The following HIBADH variants were observed in gnomAD, a reference collection of about 807,000 sequenced individuals.
The protein encoded by HIBADH is 3-hydroxyisobutyrate dehydrogenase, also known as 3-hydroxyisobutyrate dehydrogenase, mitochondrial.
HIBADH carries 25 observed loss-of-function variants against 36.1 expected under a neutral mutation model. The observed-to-expected ratio is 0.69, with a 90% CI of 0.50 to 0.97. The LOEUF (loss-of-function observed/expected upper bound fraction) is 0.97, where lower values mean the gene tolerates loss of function less well. Among genes scored for constraint, HIBADH ranks in the 50% least tolerant of loss-of-function variants. The pLI is 0.00. For synonymous variants in HIBADH, 160 were observed against 149.5 expected (o/e 1.07, Z -0.51); for missense variants, 421 against 418.0 (o/e 1.01, Z -0.06).
At chr7:27,564,989 C>G (rs1050478160) in intron 4 of HIBADH, among the ~76,000 whole-genome samples, 3 of 152,162 alleles carry the variant, frequency 2.0e-5, no homozygotes, top group Admixed American at 6.5e-5. Context: ...GAGACTACCC[C>G]TCCCAGGGCT....
At chr7:27,614,652 A>C (rs576373554) in intron 4 of HIBADH, among the ~76,000 whole-genome samples, 1 of 152,308 alleles carries the variant, frequency 6.6e-6, no homozygotes, top group African/African-American at 2.4e-5. Context: ...GCTATATAAA[A>C]ATCCTCTCAT....
In HIBADH at chr7:27,568,897, T is replaced by C. The variant is rs1008527684; in HGVS notation, c.485-25797A>G. ...GTCTTTCACTAAACTTGGGAAGCTT[T>C]CAGCCACCTTTTTTTTTTTCCAAAT... is the stretch of plus-strand genomic sequence containing the variant. On this transcript the variant is annotated intron_variant, in intron 4 of 7. Transcript: ENST00000265395. Among the ~76,000 whole-genome samples the C allele has an allele frequency of 6.2e-5, 9 of 145,654 alleles. 1 individual carries two copies. Among genetic ancestry groups the C allele is most frequent in the African/African-American group, 2.3e-4 (9 of 39,094 alleles).
At chr7:27,561,494 A>G (rs1055537778) in intron 4 of HIBADH, among the ~76,000 whole-genome samples, 1 of 152,172 alleles carries the variant, frequency 6.6e-6, no homozygotes, top group Non-Finnish European at 1.5e-5. Flanking sequence ...AATGCAGTCT[A>G]TAAGATACAG....
chr7:27,637,438 C>G (rs1583612635), intron 2 of HIBADH, among the ~76,000 whole-genome samples: 1 of 152,240 alleles, frequency 6.6e-6, no homozygotes, highest in South Asian at 2.1e-4. Context: ...CTGTTTCCAA[C>G]AGAAACACGA....
intron 4 of HIBADH, among the ~76,000 whole-genome samples, chr7:27,604,758 T>C (rs1785190515): frequency 6.6e-6 from 1 of 152,126 alleles, no homozygotes. Context: ...GAAGGGTGCA[T>C]ATATTTAGTT....
intron 4 of HIBADH, among the ~76,000 whole-genome samples, chr7:27,584,010 T>G (rs368060398): frequency 1.3e-5 from 2 of 152,168 alleles, no homozygotes; most frequent in African/African-American, 2.4e-5. Context: ...TCATAGTAGA[T>G]TAAATGCAGA....
chr7:27,594,957 T>A (rs138914300), intron 4 of HIBADH, among the ~76,000 whole-genome samples: 1 of 152,212 alleles, frequency 6.6e-6, no homozygotes, highest in Admixed American at 6.5e-5. Context: ...ATAAAAAATT[T>A]AAGTTTTTAA....
chr7:27,651,947 G>A (rs1386588447), intron 1 of HIBADH, among the ~76,000 whole-genome samples: 1 of 152,136 alleles, frequency 6.6e-6, no homozygotes, highest in Non-Finnish European at 1.5e-5. Flanking sequence ...CAAATGGATA[G>A]GAGGGTAAGG....
chr7:27,632,739 A>G (rs1467306279), intron 2 of HIBADH, among the ~76,000 whole-genome samples: 1 of 152,178 alleles, frequency 6.6e-6, no homozygotes, highest in African/African-American at 2.4e-5. Flanking sequence ...GAACAGACAC[A>G]CTTCTCATGG....
rs73686435 is a variant in HIBADH, at chr7:27,552,048, A to G, written c.485-8948T>C. ...CAGCTGGGACAGAAAGCTGCTACTC[A>G]ACGAACAATATAATCCCGTGAAAGT... is the stretch of plus-strand genomic sequence containing the variant. On this transcript the variant is annotated intron_variant, in intron 4 of 7. Coordinates refer to ENST00000265395, the MANE Select transcript of HIBADH (RefSeq NM_152740.4). Among the ~76,000 whole-genome samples, 884 of 152,350 alleles carry G rather than the reference A, an allele frequency of 5.8e-3. 10 individuals are homozygous for G. Among genetic ancestry groups the G allele is most frequent in the African/African-American group, 0.02 (834 of 41,590 alleles).
intron 4 of HIBADH, among the ~76,000 whole-genome samples, chr7:27,563,224 T>G (rs1784493117): frequency 6.6e-6 from 1 of 152,248 alleles, no homozygotes; most frequent in South Asian, 2.1e-4. Context: ...CCTGTTATTG[T>G]GGGTATCAGC....
chr7:27,568,751 G>A (rs566434280), intron 4 of HIBADH, among the ~76,000 whole-genome samples: 8 of 152,226 alleles, frequency 5.3e-5, no homozygotes, highest in Admixed American at 3.3e-4. Context: ...GATTACAGGC[G>A]TGAGCCAGCA....
chr7:27,556,185 A>G (rs1784386171), intron 4 of HIBADH, among the ~76,000 whole-genome samples: 1 of 152,208 alleles, frequency 6.6e-6, no homozygotes, highest in Non-Finnish European at 1.5e-5. Context: ...TACATAAGCA[A>G]TGCTTGATAC....
At chr7:27,638,323 A>AAAAC (rs1562654430) in intron 2 of HIBADH, among the ~76,000 whole-genome samples, 2 of 148,690 alleles carry the variant, frequency 1.3e-5, no homozygotes, top group Non-Finnish European at 3.0e-5. Context: ...AAAAAAAAAA[A>AAAAC]AAAAAAACAA....
intron 4 of HIBADH, among the ~76,000 whole-genome samples, chr7:27,585,557 C>T (rs899756914): frequency 9.2e-5 from 14 of 152,006 alleles, no homozygotes; most frequent in African/African-American, 3.1e-4. Context: ...TTCATCTCAT[C>T]AAAATGAAGA....
chr7:27,648,209 G>A (rs1001148547), intron 2 of HIBADH, among the ~76,000 whole-genome samples: 23 of 152,148 alleles, frequency 1.5e-4, no homozygotes, highest in African/African-American at 5.1e-4. Flanking sequence ...TCTACTATAC[G>A]ACTGATCAAA....
intron 2 of HIBADH, among the ~76,000 whole-genome samples, chr7:27,633,014 C>T (rs77925297): frequency 6.6e-6 from 1 of 151,962 alleles, no homozygotes; most frequent in East Asian, 1.9e-4. Context: ...AGGACATAAA[C>T]ACTTACTACA....
chr7:27,612,885 T>G (rs1468100015), intron 4 of HIBADH, among the ~76,000 whole-genome samples: 1 of 146,314 alleles, frequency 6.8e-6, no homozygotes, highest in Non-Finnish European at 1.5e-5. Flanking sequence ...AGTTCAAGGA[T>G]GCAGTAAGCT....
rs140815249 is a variant in HIBADH, at chr7:27,582,480, G to C, written c.485-39380C>G. Among the ~76,000 whole-genome samples the C allele has an allele frequency of 7.9e-3, 1,206 of 152,152 alleles. 14 individuals carry two copies. Among genetic ancestry groups the C allele is most frequent in the African/African-American group, 0.023 (942 of 41,526 alleles). On this transcript the variant is annotated intron_variant, in intron 4 of 7. Coordinates refer to ENST00000265395, the MANE Select transcript of HIBADH (RefSeq NM_152740.4). ...CAAGTAAGGGATTGTGGGACTATGGGAATTTTTTTCTTTTCCTATTTTATG... is the reference window on the plus strand; with the variant it reads ...CAAGTAAGGGATTGTGGGACTATGGCAATTTTTTTCTTTTCCTATTTTATG...
Sources: gnomAD v4.1 joint callset for allele counts (sites outside exome capture counted in the v4.1 genomes callset) on GRCh38, gnomAD v4.1.1 for gene constraint, MANE v1.5 for transcripts, NCBI Gene and HGNC (gene_info 2026-07-23, HGNC 2026-07-21) for gene names.